The following TNR variants were observed in gnomAD, a reference collection of about 807,000 sequenced individuals.
TNR encodes tenascin-R.
Under a neutral mutation model 150.4 loss-of-function variants are expected in TNR, and 45 were observed. The ratio of observed to expected loss-of-function variants is 0.30; its 90% confidence interval spans 0.24 to 0.38. TNR has a LOEUF of 0.38. Among genes scored for constraint, TNR ranks in the 10% least tolerant of loss-of-function variants. TNR has a pLI of 1.00. For synonymous variants in TNR, 687 were observed against 678.4 expected (o/e 1.01, Z -0.20); for missense variants, 1,544 against 1,759.1 (o/e 0.88, Z 2.19).
At chr1:175,485,812 T>C (rs934393589) in intron 2 of TNR, among the ~76,000 whole-genome samples, 1 of 152,216 alleles carries the variant, frequency 6.6e-6, no homozygotes, top group Non-Finnish European at 1.5e-5. Flanking sequence ...GACTAAATAA[T>C]AGTAATAGCT....
chr1:175,513,239 G>T (rs930689077), intron 2 of TNR, among the ~76,000 whole-genome samples: 1 of 152,124 alleles, frequency 6.6e-6, no homozygotes, highest in Non-Finnish European at 1.5e-5. Context: ...TTATTTATTG[G>T]GGGAAATGTT....
intron 1 of TNR, among the ~76,000 whole-genome samples, chr1:175,622,509 T>C (rs1052331109): frequency 3.9e-5 from 6 of 152,194 alleles, no homozygotes; most frequent in Non-Finnish European, 1.5e-5. Context: ...ACTGTTTCCT[T>C]TCCATGGAAC....
chr1:175,474,133 C>T (rs1184657904), intron 2 of TNR, among the ~76,000 whole-genome samples: 1 of 152,060 alleles, frequency 6.6e-6, no homozygotes, highest in Non-Finnish European at 1.5e-5. Context: ...GAGGAAGTTG[C>T]ATTTAGGAGC....
At chr1:175,479,097 A>C (rs1448851150) in intron 2 of TNR, among the ~76,000 whole-genome samples, 1 of 152,190 alleles carries the variant, frequency 6.6e-6, no homozygotes, top group Non-Finnish European at 1.5e-5. Flanking sequence ...GAGTTCAAAA[A>C]ATTCCTCAAG....
intron 1 of TNR, among the ~76,000 whole-genome samples, chr1:175,547,719 G>C (rs138163149): frequency 6.6e-6 from 1 of 152,224 alleles, no homozygotes; most frequent in Non-Finnish European, 1.5e-5. Context: ...AAAGAAAAGG[G>C]TGCTCTAGAC....
At chr1:175,621,847 A>G (rs187823103) in intron 1 of TNR, among the ~76,000 whole-genome samples, 1 of 152,374 alleles carries the variant, frequency 6.6e-6, no homozygotes, top group African/African-American at 2.4e-5. Context: ...TAAGCACCAT[A>G]GAGGCAAGGA....
chr1:175,429,024 G>T (rs1389216459), intron 2 of TNR, among the ~76,000 whole-genome samples: 3 of 152,136 alleles, frequency 2.0e-5, no homozygotes, highest in Non-Finnish European at 4.4e-5. Flanking sequence ...CAGAGCCAAG[G>T]ATTTAAGAGT....
Position 175,616,187 on chromosome 1 carries a change from C to T in TNR, c.-164-87818G>A, listed in dbSNP as rs562504567. ...ATTTCTAGATTCCAGGGGTTCTGTT[C>T]AGAAGTATTCTCTGGGGGATGCATT... On this transcript the variant is annotated intron_variant, in intron 1 of 22. Coordinates refer to ENST00000367674, the MANE Select transcript of TNR (RefSeq NM_003285.3). Among the ~76,000 whole-genome samples, 34 of 152,258 alleles carry T rather than the reference C, an allele frequency of 2.2e-4. 1 individual carries two copies. The highest frequency in any genetic ancestry group is 8.2e-4 in the African/African-American group (34 of 41,540).
intron 1 of TNR, among the ~76,000 whole-genome samples, chr1:175,547,663 A>T (rs1052332131): frequency 2.0e-5 from 3 of 151,632 alleles, no homozygotes; most frequent in Admixed American, 6.6e-5. Flanking sequence ...AAGAAGAAAG[A>T]AAGAAAGAAA....
chr1:175,676,254 A>T (rs1401026503), intron 1 of TNR, among the ~76,000 whole-genome samples: 5 of 152,222 alleles, frequency 3.3e-5, no homozygotes, highest in African/African-American at 1.2e-4. Flanking sequence ...CCTGAGAGGC[A>T]GGTGGGTGGA....
intron 1 of TNR, among the ~76,000 whole-genome samples, chr1:175,710,427 C>T (rs1666979057): frequency 6.6e-6 from 1 of 152,054 alleles, no homozygotes; most frequent in Admixed American, 6.6e-5. Context: ...AGGGGAGCTT[C>T]TAAAAAGCGT....
chr1:175,478,676 G>A (rs950375540), intron 2 of TNR, among the ~76,000 whole-genome samples: 2 of 152,032 alleles, frequency 1.3e-5, no homozygotes, highest in African/African-American at 2.4e-5. Flanking sequence ...TGTACGAAAG[G>A]AGGGACAATC....
intron 1 of TNR, among the ~76,000 whole-genome samples, chr1:175,533,779 G>GC (rs1207177982): frequency 6.6e-6 from 1 of 152,142 alleles, no homozygotes; most frequent in African/African-American, 2.4e-5. Flanking sequence ...TTTCCACATT[G>GC]TTTTATTAAA....
chr1:175,456,395 T>G (rs904866924), intron 2 of TNR, among the ~76,000 whole-genome samples: 1 of 152,392 alleles, frequency 6.6e-6, no homozygotes, highest in East Asian at 1.9e-4. Flanking sequence ...CTATTTATTT[T>G]GTTAATATTT....
intron 2 of TNR, among the ~76,000 whole-genome samples, chr1:175,514,382 C>T (rs1659318613): frequency 6.6e-6 from 1 of 152,202 alleles, no homozygotes; most frequent in Non-Finnish European, 1.5e-5. Context: ...AAGAATGCAG[C>T]CCTGCCAACA....
At chr1:175,703,164 G>T (rs1306247588) in intron 1 of TNR, among the ~76,000 whole-genome samples, 1 of 152,078 alleles carries the variant, frequency 6.6e-6, no homozygotes, top group Non-Finnish European at 1.5e-5. Context: ...ATTTACATTG[G>T]CAGATTCTTA....
intron 1 of TNR, among the ~76,000 whole-genome samples, chr1:175,626,138 C>T (rs1199257177): frequency 6.6e-6 from 1 of 152,204 alleles, no homozygotes; most frequent in East Asian, 1.9e-4. Flanking sequence ...CACCATGATT[C>T]TGAGACATTC....
intron 1 of TNR, among the ~76,000 whole-genome samples, chr1:175,568,985 T>C (rs942383746): frequency 6.6e-6 from 1 of 151,928 alleles, no homozygotes; most frequent in Admixed American, 6.6e-5. Context: ...TTTTTTCTAG[T>C]CTCAGTATTT....
intron 1 of TNR, among the ~76,000 whole-genome samples, chr1:175,654,435 G>C (rs770192950): frequency 6.6e-6 from 1 of 152,100 alleles, no homozygotes; most frequent in African/African-American, 2.4e-5. Flanking sequence ...GTTGCCCTTG[G>C]GTCCTGACTT....
Sources: gnomAD v4.1 joint callset for allele counts (sites outside exome capture counted in the v4.1 genomes callset) on GRCh38, gnomAD v4.1.1 for gene constraint, MANE v1.5 for transcripts, NCBI Gene and HGNC (gene_info 2026-07-23, HGNC 2026-07-21) for gene names.